Variants in GRM7 observed in about 807,000 individuals in gnomAD.
The protein encoded by GRM7 is glutamate metabotropic receptor 7, also known as metabotropic glutamate receptor 7.
Under a neutral mutation model 84.5 loss-of-function variants are expected in GRM7, and 35 were observed. The observed-to-expected ratio is 0.41, with a 90% CI of 0.32 to 0.55. The LOEUF (loss-of-function observed/expected upper bound fraction) is 0.55, where lower values mean the gene tolerates loss of function less well. Ranked by LOEUF, GRM7 falls within the 20% of genes least tolerant of loss-of-function variation. GRM7 has a pLI of 0.19. For missense variants in GRM7, 1,003 were observed against 1,194.6 expected (o/e 0.84, Z 2.36); for synonymous variants, 487 against 455.1 (o/e 1.07, Z -0.89).
At chr3:7,399,349 A>G (rs577677265) in intron 4 of GRM7, among the ~76,000 whole-genome samples, 1 of 152,252 alleles carries the variant, frequency 6.6e-6, no homozygotes, top group African/African-American at 2.4e-5. Flanking sequence ...ACTAGACTGT[A>G]GATGTCACAC....
intron 9 of GRM7, among the ~76,000 whole-genome samples, chr3:7,711,723 G>A (rs1202097460): frequency 4.6e-5 from 7 of 152,092 alleles, no homozygotes; most frequent in Non-Finnish European, 8.8e-5. Flanking sequence ...TCGATGCCTC[G>A]CCTGTGTGTT....
intron 4 of GRM7, among the ~76,000 whole-genome samples, chr3:7,387,604 C>A (rs1694835644): frequency 6.6e-6 from 1 of 152,120 alleles, no homozygotes; most frequent in Non-Finnish European, 1.5e-5. Context: ...TGTAGGTGTG[C>A]AGCTTTATTT....
intron 1 of GRM7, among the ~76,000 whole-genome samples, chr3:7,011,025 C>T (rs115186269): frequency 1.3e-5 from 2 of 152,138 alleles, no homozygotes; most frequent in East Asian, 1.9e-4. Flanking sequence ...GGCCAAGACA[C>T]TAGAGTCAGA....
chr3:6,869,653 AGGAG>A (rs2124939770), intron 1 of GRM7, among the ~76,000 whole-genome samples: 1 of 149,954 alleles, frequency 6.7e-6, no homozygotes, highest in African/African-American at 2.5e-5. Context: ...GACAGATAGA[AGGAG>A]AGAGAGAGTG....
At chr3:7,652,056 A>G (rs1012573684) in intron 8 of GRM7, among the ~76,000 whole-genome samples, 2 of 152,096 alleles carry the variant, frequency 1.3e-5, no homozygotes, top group Non-Finnish European at 2.9e-5. Context: ...TCAATCCTGA[A>G]GGGTAGTCCA....
chr3:7,473,541 A>T (rs921467850), intron 7 of GRM7, among the ~76,000 whole-genome samples: 1 of 150,996 alleles, frequency 6.6e-6, no homozygotes, highest in Admixed American at 6.6e-5. Flanking sequence ...AAACACCTTG[A>T]CAGAGTTTTT....
At chr3:7,020,162 C>G (rs1224092736) in intron 1 of GRM7, among the ~76,000 whole-genome samples, 1 of 152,066 alleles carries the variant, frequency 6.6e-6, no homozygotes, top group African/African-American at 2.4e-5. Flanking sequence ...AGATTTTTCT[C>G]TAAAAAATGT....
intron 7 of GRM7, among the ~76,000 whole-genome samples, chr3:7,508,590 G>A (rs1293401453): frequency 1.3e-5 from 2 of 152,010 alleles, no homozygotes; most frequent in Non-Finnish European, 2.9e-5. Flanking sequence ...GCAATATCAT[G>A]GTGAGTCTGG....
chr3:7,626,939 T>C (rs1697644708), intron 8 of GRM7, among the ~76,000 whole-genome samples: 1 of 143,034 alleles, frequency 7.0e-6, no homozygotes, highest in Non-Finnish European at 1.5e-5. Context: ...TTTTTTTTTT[T>C]CATTTTCTAG....
intron 8 of GRM7, among the ~76,000 whole-genome samples, chr3:7,626,096 G>T (rs1448780690): frequency 6.6e-6 from 1 of 152,022 alleles, no homozygotes; most frequent in Non-Finnish European, 1.5e-5. Context: ...TAGTATGTCC[G>T]GAGGCCAGAC....
At chr3:7,600,852 A>T (rs1334560283) in intron 8 of GRM7, among the ~76,000 whole-genome samples, 1 of 152,276 alleles carries the variant, frequency 6.6e-6, no homozygotes. Flanking sequence ...GCTATTTTGT[A>T]TGCAAATCTC....
intron 1 of GRM7, among the ~76,000 whole-genome samples, chr3:6,951,820 A>T (rs1692782140): frequency 6.6e-6 from 1 of 152,114 alleles, no homozygotes. Context: ...ACCCTTACTC[A>T]CTTTTCTATC....
intron 7 of GRM7, among the ~76,000 whole-genome samples, chr3:7,467,355 G>T (rs1280146513): frequency 2.0e-5 from 3 of 152,184 alleles, no homozygotes; most frequent in African/African-American, 7.2e-5. Flanking sequence ...CCAAAGTGCT[G>T]GGATTACAGG....
intron 6 of GRM7, among the ~76,000 whole-genome samples, chr3:7,456,084 A>G (rs1448930285): frequency 6.6e-6 from 1 of 151,914 alleles, no homozygotes; most frequent in African/African-American, 2.4e-5. Flanking sequence ...TGTATAACCA[A>G]TTTTCCCAGA....
chr3:7,647,827 G>GA (rs60923246), intron 8 of GRM7, among the ~76,000 whole-genome samples: 90,023 of 151,898 alleles, frequency 0.59, 26,996 homozygotes, highest in Non-Finnish European at 0.63. Flanking sequence ...GCTTTTTAAA[G>GA]GAGGGGGTAG....
chr3:7,570,219 C>T (rs1694578138), intron 7 of GRM7, among the ~76,000 whole-genome samples: 1 of 152,124 alleles, frequency 6.6e-6, no homozygotes, highest in African/African-American at 2.4e-5. Context: ...AATCTCATGT[C>T]CTCACATTCC....
chr3:7,472,925 A>C (rs2124925904), intron 7 of GRM7, among the ~76,000 whole-genome samples: 1 of 152,308 alleles, frequency 6.6e-6, no homozygotes, highest in South Asian at 2.1e-4. Context: ...TCAATGACAA[A>C]GCATACGTGC....
chr3:7,129,822 T>C (rs575536812), intron 1 of GRM7, among the ~76,000 whole-genome samples: 98 of 152,316 alleles, frequency 6.4e-4, no homozygotes, highest in African/African-American at 2.2e-3. Context: ...GACAAAAACA[T>C]ATTTTCAAGC....
chr3:6,982,750 T>G (rs1694256993), intron 1 of GRM7, among the ~76,000 whole-genome samples: 1 of 152,362 alleles, frequency 6.6e-6, no homozygotes, highest in East Asian at 1.9e-4. Context: ...AGTATGAAAC[T>G]AGCTTTTTTG....
Sources: gnomAD v4.1 joint callset for allele counts (sites outside exome capture counted in the v4.1 genomes callset) on GRCh38, gnomAD v4.1.1 for gene constraint, MANE v1.5 for transcripts, NCBI Gene and HGNC (gene_info 2026-07-23, HGNC 2026-07-21) for gene names.